Variants in ITGBL1 observed in about 807,000 individuals in gnomAD.
The protein encoded by ITGBL1 is integrin beta-like protein 1.
A neutral mutation model predicts 68.5 loss-of-function variants in ITGBL1; 51 were observed. The ratio of observed to expected loss-of-function variants is 0.74; its 90% CI spans 0.59 to 0.94. The LOEUF is 0.94. Among genes scored for constraint, ITGBL1 ranks in the 40% least tolerant of loss-of-function variants. The pLI, the probability that ITGBL1 is intolerant of heterozygous loss-of-function variation, is 0.00. For synonymous variants in ITGBL1, 209 were observed against 227.3 expected (o/e 0.92, Z 0.72); for missense variants, 649 against 647.4 (o/e 1.00, Z -0.03).
At chr13:101,578,308 G>A (rs886214000) in intron 4 of ITGBL1, among the ~76,000 whole-genome samples, 1 of 152,130 alleles carries the variant, frequency 6.6e-6, no homozygotes, top group East Asian at 1.9e-4. Flanking sequence ...GAGTTTGGCT[G>A]TAAGAGAAGA....
At chr13:101,720,166 C>A (rs2034879078), downstream of ITGBL1, 1 of 152,196 alleles carries the variant, frequency 6.6e-6, no homozygotes, top group African/African-American at 2.4e-5. Flanking sequence ...ATTAGCAATA[C>A]ATACCAACAG....
At chr13:101,578,111 C>T (rs2050393615) in intron 4 of ITGBL1, among the ~76,000 whole-genome samples, 1 of 152,264 alleles carries the variant, frequency 6.6e-6, no homozygotes, top group Non-Finnish European at 1.5e-5. Context: ...ATGGAAGTCT[C>T]ATCTGCTGGA....
chr13:101,655,885 G>A (rs970072277), intron 7 of ITGBL1, among the ~76,000 whole-genome samples: 1 of 152,204 alleles, frequency 6.6e-6, no homozygotes, highest in Non-Finnish European at 1.5e-5. Context: ...TTTATTCTGA[G>A]CCAAATATGA....
intron 2 of ITGBL1, among the ~76,000 whole-genome samples, chr13:101,504,922 C>CT (rs1343605157): frequency 6.6e-6 from 1 of 152,244 alleles, no homozygotes; most frequent in African/African-American, 2.4e-5. Context: ...ATCACACAGC[C>CT]TTTTTGTACA....
intron 7 of ITGBL1, among the ~76,000 whole-genome samples, chr13:101,599,131 A>G (rs2139328017): frequency 6.6e-6 from 1 of 152,064 alleles, no homozygotes. Flanking sequence ...TGCCATTCTA[A>G]CTGGTGTGAG....
At position 101,692,736 on chromosome 13, in the gene ITGBL1, A is replaced by ATGCAACTTGCTTTACCTGCC. The variant is rs765878770; in HGVS notation, c.1132+37_1132+56dup. ...TTTCTCATAGCTGTATGCTACCTGC[A>ATGCAACTTGCTTTACCTGCC]TGCAACTTGCTTTACCTGCCTTTGT... is the stretch of plus-strand genomic sequence containing the variant. On this transcript the variant is annotated intron_variant, in intron 8 of 10. Transcript: ENST00000376180. 5 of 1,344,912 alleles carry ATGCAACTTGCTTTACCTGCC rather than the reference A, an allele frequency of 3.7e-6. No individual in the cohort carries two copies. In the South Asian group the frequency reaches 5.9e-5, roughly 16 times the overall value. 83.3% of individuals were successfully genotyped at this position (1,344,912 alleles called of 1,614,324 possible).
At chr13:101,516,336 A>G (rs2049194911) in intron 2 of ITGBL1, among the ~76,000 whole-genome samples, 1 of 152,184 alleles carries the variant, frequency 6.6e-6, no homozygotes, top group Non-Finnish European at 1.5e-5. Flanking sequence ...TATCATGTCT[A>G]AATGAAATGC....
intron 7 of ITGBL1, among the ~76,000 whole-genome samples, chr13:101,625,703 C>T (rs2031747917): frequency 6.6e-6 from 1 of 152,144 alleles, no homozygotes; most frequent in South Asian, 2.1e-4. Flanking sequence ...CAGGAGCCTG[C>T]CATCATGCCC....
intron 2 of ITGBL1, among the ~76,000 whole-genome samples, chr13:101,536,377 AT>A (rs2049576739): frequency 6.6e-6 from 1 of 152,060 alleles, no homozygotes; most frequent in South Asian, 2.1e-4. Flanking sequence ...TACAGGAAAG[AT>A]TATTTAGCAT....
intron 6 of ITGBL1, among the ~76,000 whole-genome samples, chr13:101,593,580 C>G (rs2050694242): frequency 6.6e-6 from 1 of 151,918 alleles, no homozygotes. Context: ...ATGGATAATT[C>G]TGCCATAAAA....
intron 3 of ITGBL1, among the ~76,000 whole-genome samples, chr13:101,568,953 C>T (rs889753012): frequency 6.6e-6 from 1 of 151,964 alleles, no homozygotes; most frequent in Non-Finnish European, 1.5e-5. Context: ...CATCATATTT[C>T]TCTAGCACTT....
intron 10 of ITGBL1, chr13:101,714,783 C>T: frequency 1.9e-6 from 1 of 521,990 alleles, no homozygotes; most frequent in Non-Finnish European, 3.4e-6. Flanking sequence ...TATTTGGGAT[C>T]CTTCCACAAA....
At chr13:101,570,126 C>G (rs569507446) in intron 3 of ITGBL1, among the ~76,000 whole-genome samples, 46 of 152,260 alleles carry the variant, frequency 3.0e-4, no homozygotes, top group Non-Finnish European at 5.9e-4. Flanking sequence ...TCTCATTTAT[C>G]AGTTATTTGT....
chr13:101,715,415 G>A, intron 10 of ITGBL1, 148 bp from the exon 11 acceptor site: 1 of 665,752 alleles, frequency 1.5e-6, no homozygotes, highest in Non-Finnish European at 2.7e-6. Context: ...TGCTTAATAA[G>A]ATGTAATAAT....
At chr13:101,718,438 TGA>T (rs1199067930), downstream of ITGBL1, 2 of 152,030 alleles carry the variant, frequency 1.3e-5, no homozygotes, top group African/African-American at 4.8e-5. Flanking sequence ...TTGTAATGGG[TGA>T]GAGAAAATAA....
chr13:101,596,589 T>G (rs1415112524), intron 6 of ITGBL1, among the ~76,000 whole-genome samples: 1 of 152,114 alleles, frequency 6.6e-6, no homozygotes, highest in Non-Finnish European at 1.5e-5. Context: ...TCAATAAATC[T>G]TGGGGAAGAA....
At chr13:101,521,823 C>T (rs2049290068) in intron 2 of ITGBL1, among the ~76,000 whole-genome samples, 1 of 151,960 alleles carries the variant, frequency 6.6e-6, no homozygotes, top group Non-Finnish European at 1.5e-5. Flanking sequence ...TTTTCCTTAC[C>T]TTTCCTTTTC....
rs537683775 is a variant in ITGBL1, at chr13:101,457,177, A to G, written c.316+3077A>G. Among the ~76,000 whole-genome samples, 126 of 152,350 alleles carry G rather than the reference A, an allele frequency of 8.3e-4. 2 individuals carry two copies. The Middle Eastern group carries it at 0.014, about 16-fold the overall frequency. ...ATACATAATATTATTACAATGATGC[A>G]TAACAAGTGGGCTAGTATGGATGGA... On this transcript the variant is annotated intron_variant, in intron 2 of 10. Coordinates refer to ENST00000376180, the MANE Select transcript of ITGBL1 (RefSeq NM_004791.3).
chr13:101,586,827 A>G lies in ITGBL1; in HGVS notation c.868+3471A>G, dbSNP rs368939595. On this transcript the variant is annotated intron_variant, in intron 6 of 10. Coordinates refer to ENST00000376180, the MANE Select transcript of ITGBL1 (RefSeq NM_004791.3). ...ATTTCATCATTCTTACAGAATCTGT[A>G]GAATTCTATATACTGTATGGTATTA... Among the ~76,000 whole-genome samples, 12 of 152,356 alleles carry G rather than the reference A, an allele frequency of 7.9e-5. No homozygotes were observed. In the South Asian group the frequency reaches 2.3e-3, roughly 29 times the overall value.
Sources: gnomAD v4.1 joint callset for allele counts (sites outside exome capture counted in the v4.1 genomes callset) on GRCh38, gnomAD v4.1.1 for gene constraint, MANE v1.5 for transcripts, NCBI Gene and HGNC (gene_info 2026-07-23, HGNC 2026-07-21) for gene names.